The following FNDC3B variants were observed in gnomAD, a reference collection of about 807,000 sequenced individuals.
FNDC3B encodes fibronectin type III domain-containing protein 3B.
Under a neutral mutation model 151.5 loss-of-function variants are expected in FNDC3B, and 12 were observed. The ratio of observed to expected loss-of-function variants is 0.08; its 90% CI spans 0.05 to 0.13. The LOEUF is 0.13. FNDC3B is among the 10% of genes least tolerant of loss of function. The pLI is 1.00. For synonymous variants in FNDC3B, 528 were observed against 549.0 expected, an observed-to-expected ratio of 0.96 and a Z score of 0.54; for missense variants, 1,214 against 1,505.3, an observed-to-expected ratio of 0.81 and a Z score of 3.20.
intron 3 of FNDC3B, among the ~76,000 whole-genome samples, chr3:172,172,178 A>C (rs1229870949): frequency 6.6e-6 from 1 of 152,196 alleles, no homozygotes. Context: ...TAAGGGGTTT[A>C]GAATTTGATA....
At position 172,174,944 on chromosome 3, in the gene FNDC3B, C is replaced by CCCCCG. The variant is rs924176605; in HGVS notation, c.187+41400_187+41401insCCGCC. 6.3e-4 allele frequency among the ~76,000 whole-genome samples: 32 copies of CCCCCG among 50,726 alleles called. 1 individual carries two copies. The highest frequency in any genetic ancestry group is 7.6e-4 in the Non-Finnish European group (15 of 19,730). 33.3% of individuals were successfully genotyped at this position (50,726 alleles called of 152,430 possible). Reference sequence around the variant, plus strand: ...ACCTTCCCCCCGCCACCCCCCCCCCCCCAATACAATTTGCTGTCCATCCGG... The same window carrying CCCCCG: ...ACCTTCCCCCCGCCACCCCCCCCCCCCCCCGCCAATACAATTTGCTGTCCATCCGG... On this transcript the variant is annotated intron_variant, in intron 3 of 25. Coordinates refer to ENST00000415807, the MANE Select transcript of FNDC3B (RefSeq NM_022763.4).
In FNDC3B at chr3:172,307,841, G is replaced by A. The variant is rs74427876; in HGVS notation, c.1200+340G>A. ...CTGTAAGAGTTGGGCAAAGGGGTGG[G>A]AGGAGGGAACTGCAAAATCTAGCTT... On this transcript the variant is annotated intron_variant, in intron 10 of 25. Transcript: ENST00000415807. 6.7e-3 allele frequency among the ~76,000 whole-genome samples: 1,015 copies of A among 152,320 alleles called. 5 individuals carry two copies. Among genetic ancestry groups the A allele is most frequent in the Non-Finnish European group, 9.6e-3 (652 of 68,036 alleles).
At chr3:172,064,734 A>G (rs997943950) in intron 1 of FNDC3B, among the ~76,000 whole-genome samples, 1 of 152,228 alleles carries the variant, frequency 6.6e-6, no homozygotes, top group Non-Finnish European at 1.5e-5. Flanking sequence ...GGCTCTTATT[A>G]TCAGTGGCAT....
At chr3:172,139,949 G>T (rs1721539944) in intron 3 of FNDC3B, among the ~76,000 whole-genome samples, 1 of 152,130 alleles carries the variant, frequency 6.6e-6, no homozygotes, top group African/African-American at 2.4e-5. Context: ...GCATGAGCCA[G>T]TGTGCCTGTC....
At chr3:172,212,355 C>G (rs1258771757) in intron 3 of FNDC3B, among the ~76,000 whole-genome samples, 7 of 152,106 alleles carry the variant, frequency 4.6e-5, no homozygotes, top group Admixed American at 4.6e-4. Context: ...CTTGAATGAG[C>G]CTGTTTTTTT....
chr3:172,279,433 A>G (rs957628258), intron 6 of FNDC3B, among the ~76,000 whole-genome samples: 1 of 152,146 alleles, frequency 6.6e-6, no homozygotes, highest in African/African-American at 2.4e-5. Context: ...GCTCTTGAAA[A>G]TATTTTCCTG....
intron 11 of FNDC3B, among the ~76,000 whole-genome samples, chr3:172,318,076 C>T (rs1182029197): frequency 6.6e-6 from 1 of 152,186 alleles, no homozygotes; most frequent in Non-Finnish European, 1.5e-5. Context: ...TCCCAAAAAC[C>T]TTCCTTACTC....
chr3:172,234,419 T>G (rs903295618), intron 4 of FNDC3B, among the ~76,000 whole-genome samples: 2 of 152,122 alleles, frequency 1.3e-5, no homozygotes, highest in African/African-American at 4.8e-5. Context: ...CTGGCTGGAG[T>G]GATTTTTATC....
At chr3:172,198,065 T>G (rs1724934428) in intron 3 of FNDC3B, among the ~76,000 whole-genome samples, 1 of 151,958 alleles carries the variant, frequency 6.6e-6, no homozygotes, top group South Asian at 2.1e-4. Context: ...ACATTACTAT[T>G]TTTTTAATGC....
chr3:172,125,817 C>T (rs9841611), intron 2 of FNDC3B, among the ~76,000 whole-genome samples: 88,690 of 152,078 alleles, frequency 0.58, 28,049 homozygotes, highest in East Asian at 0.75. Context: ...AATTAAGTGT[C>T]ACGCAGATTT....
intron 10 of FNDC3B, among the ~76,000 whole-genome samples, chr3:172,309,833 A>G (rs1225085305): frequency 1.3e-5 from 2 of 152,210 alleles, no homozygotes; most frequent in African/African-American, 2.4e-5. Context: ...TTCTTGGAAC[A>G]TGAAATTAGT....
intron 23 of FNDC3B, among the ~76,000 whole-genome samples, chr3:172,374,458 A>G (rs1310794982): frequency 6.6e-6 from 1 of 152,134 alleles, no homozygotes. Context: ...GTACAGTGGC[A>G]GTCTTGGCTC....
rs184963907 is a variant in FNDC3B, at chr3:172,297,696, G to C, written c.1002-1032G>C. 3.4e-3 allele frequency among the ~76,000 whole-genome samples: 524 copies of C among 152,032 alleles called. 2 individuals are homozygous for C. The highest frequency in any genetic ancestry group is 5.3e-3 in the Non-Finnish European group (360 of 67,950). On this transcript the variant is annotated intron_variant, in intron 8 of 25. Coordinates refer to ENST00000415807, the MANE Select transcript of FNDC3B (RefSeq NM_022763.4). Reference sequence around the variant, plus strand: ...TCACCGTGTTAGCCAGGATGGTCTCGATCTCCTGACCTCGTGATCCGCCCT... The same window carrying C: ...TCACCGTGTTAGCCAGGATGGTCTCCATCTCCTGACCTCGTGATCCGCCCT...
intron 25 of FNDC3B, among the ~76,000 whole-genome samples, chr3:172,387,563 C>T (rs1248542200): frequency 6.6e-6 from 1 of 152,108 alleles, no homozygotes; most frequent in Non-Finnish European, 1.5e-5. Context: ...TAAAAACCAT[C>T]GTTTATTTTA....
At chr3:172,340,968 G>C (rs1457563447) in intron 16 of FNDC3B, 145 bp from the exon 17 acceptor site, 1 of 640,102 alleles carries the variant, frequency 1.6e-6, no homozygotes, top group Admixed American at 2.7e-5. Context: ...CTTTGTAAAA[G>C]AAAAAGGAAG....
intron 1 of FNDC3B, among the ~76,000 whole-genome samples, chr3:172,104,245 C>G (rs990566191): frequency 3.3e-5 from 5 of 151,938 alleles, no homozygotes; most frequent in South Asian, 2.1e-4. Flanking sequence ...AACATACTCC[C>G]TTAAGATCAG....
chr3:172,348,696 C>G (rs1292718984), intron 21 of FNDC3B, among the ~76,000 whole-genome samples: 1 of 152,210 alleles, frequency 6.6e-6, no homozygotes, highest in Admixed American at 6.5e-5. Context: ...CCCAAAGCTG[C>G]ATTATAAAAG....
chr3:172,277,815 C>A (rs4894535), intron 6 of FNDC3B, among the ~76,000 whole-genome samples: 1 of 151,974 alleles, frequency 6.6e-6, no homozygotes, highest in Non-Finnish European at 1.5e-5. Context: ...ATAGTCCTTA[C>A]CCTTCCCTTT....
At chr3:172,373,591 A>G (rs1295554809) in intron 23 of FNDC3B, among the ~76,000 whole-genome samples, 1 of 152,234 alleles carries the variant, frequency 6.6e-6, no homozygotes, top group African/African-American at 2.4e-5. Flanking sequence ...TGGCTTACTT[A>G]TTAATGAATT....
Sources: allele counts gnomAD v4.1 joint callset (sites outside exome capture counted in the v4.1 genomes callset), GRCh38; gene constraint gnomAD v4.1.1; transcripts MANE v1.5; gene names NCBI Gene and HGNC (gene_info 2026-07-23, HGNC 2026-07-21).